PLXNB2: variants seen among roughly 807,000 people sequenced by gnomAD.
PLXNB2 encodes plexin B2.
In PLXNB2, 85 loss-of-function variants were observed where a neutral mutation model predicts 202.6. The ratio of observed to expected loss-of-function variants is 0.42; its 90% CI spans 0.35 to 0.50. The LOEUF is 0.50. Ranked by LOEUF, PLXNB2 falls within the 20% of genes least tolerant of loss-of-function variation. PLXNB2 has a pLI of 0.02. For synonymous variants in PLXNB2, 1,239 were observed against 1,137.6 expected (o/e 1.09, Z -1.79); for missense variants, 2,063 against 2,586.2 (o/e 0.80, Z 4.39).
Position 50,280,729 on chromosome 22 carries a change from C to A in PLXNB2, c.3993+15G>T, listed in dbSNP as rs376023105. ...CCACCTGTGTGCCCTCCCGCCCGCC[C>A]GACGCCTGGCTCACATTGATGAGGA... On this transcript the variant is annotated intron_variant, in intron 24 of 36. Coordinates refer to ENST00000359337, the MANE Select transcript of PLXNB2 (RefSeq NM_012401.4). 1 of 1,579,140 alleles carries A rather than the reference C, an allele frequency of 6.3e-7. No homozygotes were observed. Among genetic ancestry groups the A allele is most frequent in the Non-Finnish European group, 8.6e-7 (1 of 1,162,048 alleles).
Position 50,297,691 on chromosome 22 carries a change from G to A in PLXNB2, c.-73-2913C>T, listed in dbSNP as rs1355524111. Among the ~76,000 whole-genome samples, 4 of 152,280 alleles carry A rather than the reference G, an allele frequency of 2.6e-5. No homozygotes were observed. The highest frequency in any genetic ancestry group is 4.4e-5 in the Non-Finnish European group (3 of 68,016). On this transcript the variant is annotated intron_variant, in intron 1 of 36. Transcript: ENST00000359337. This position sits in a 1 kb window ranked among gnomAD's most constrained non-coding sequence, Gnocchi z 5.3. ...TTAGGTGGCTGTGGTCACACCTGAC[G>A]CTGCTGCACCCAGGGACCTCGAGGC...
chr22:50,282,982 C>T (rs2066127762), intron 17 of PLXNB2, 68 bp downstream of exon 17: 1 of 1,570,306 alleles, frequency 6.4e-7, no homozygotes, highest in East Asian at 2.3e-5. Context: ...ACTCAGGTCT[C>T]AGTAAGTGCC....
chr22:50,296,590 C>CTA (rs2067292638), intron 1 of PLXNB2, among the ~76,000 whole-genome samples: 1 of 56,460 alleles, frequency 1.8e-5, no homozygotes, highest in Non-Finnish European at 3.3e-5. Context: ...GACTCTGTCT[C>CTA]AAAAAAAAAA....
chr22:50,298,160 A>C (rs1264445665), intron 1 of PLXNB2, among the ~76,000 whole-genome samples: 5 of 152,242 alleles, frequency 3.3e-5, no homozygotes, highest in Non-Finnish European at 5.9e-5. Flanking sequence ...GGGTGGTGAC[A>C]TGCAGGGGCG....
intron 32 of PLXNB2, 53 bp downstream of exon 32, chr22:50,277,800 C>T: frequency 1.3e-6 from 2 of 1,598,596 alleles, no homozygotes; most frequent in Non-Finnish European, 1.7e-6. Context: ...GTGGAGCCTC[C>T]CAAGTGAGAG....
intron 1 of PLXNB2, among the ~76,000 whole-genome samples, chr22:50,296,994 G>C (rs1280254135): frequency 6.6e-6 from 1 of 152,194 alleles, no homozygotes; most frequent in Non-Finnish European, 1.5e-5. Context: ...GTTTCGGGGG[G>C]CAGAGGGCAT....
In PLXNB2 at chr22:50,278,106, T is replaced by C; in HGVS notation, c.4887+11A>G. ...CGGCCTGGTGCCGCCCACACACCCA[T>C]GGGGGCCCACCTTGACTGAGAGCAG... is the stretch of plus-strand genomic sequence containing the variant. On this transcript the variant is annotated intron_variant, in intron 31 of 36. Coordinates refer to ENST00000359337, the MANE Select transcript of PLXNB2 (RefSeq NM_012401.4). The C allele has an allele frequency of 1.2e-6, 2 of 1,602,328 alleles. No individual in the cohort carries two copies. Among genetic ancestry groups the C allele is most frequent in the Non-Finnish European group, 1.7e-6 (2 of 1,179,098 alleles).
Position 50,281,080 on chromosome 22 carries a change from G to A in PLXNB2, c.3763+9C>T, listed in dbSNP as rs368681814. 55 of 1,610,892 alleles carry A rather than the reference G, an allele frequency of 3.4e-5. No homozygotes were observed. The Middle Eastern group carries it at 4.9e-4, about 14-fold the overall frequency. The stretch of plus-strand genomic sequence containing the variant: ...GGCGCCCCAGCACCAGCCCCCAAGC[G>A]GTCCCTACCTGTGAATTCCTTCTTG... On this transcript the variant is annotated intron_variant, in intron 23 of 36. Transcript: ENST00000359337.
In PLXNB2 at chr22:50,289,267, A is replaced by G. The variant is rs2066696668; in HGVS notation, c.1069-125T>C. ...GGCACACGTCCTACACACGTCCCCG[A>G]GAACAGAACCCACATGGCAGGGAGC... On this transcript the variant is annotated intron_variant, in intron 3 of 36. Transcript: ENST00000359337. The surrounding 1 kb of genome is among the most constrained non-coding windows in gnomAD (Gnocchi z 8.0). 9.1e-6 allele frequency: 9 copies of G among 994,118 alleles called. No homozygotes were observed. In the South Asian group the frequency reaches 1.5e-4, roughly 17 times the overall value. 61.6% of individuals were successfully genotyped at this position (994,118 alleles called of 1,614,324 possible).
In PLXNB2 at chr22:50,290,476, G is replaced by A. The variant is rs746800547; in HGVS notation, c.109C>T (p.Leu37=). The change falls in exon 3 of 37, where the codon CTG becomes TTG. Residue 37 remains leucine (L), a synonymous_variant. Coordinates refer to ENST00000359337, the MANE Select transcript of PLXNB2 (RefSeq NM_012401.4). The part of the protein sequence containing the change: ...FFRSEKELNH[L]AVDEASGVVY... ...ACGCCTGAGGCCTCATCCACAGCCA[G>A]GTGGTTCAGCTCTTTCTCGCTGCGG... is the stretch of plus-strand genomic sequence containing the variant. 4 of 1,612,908 alleles carry A rather than the reference G, an allele frequency of 2.5e-6. No homozygotes were observed. Among genetic ancestry groups the A allele is most frequent in the African/African-American group, 2.7e-5 (2 of 75,070 alleles).
At position 50,281,917 on chromosome 22, in the gene PLXNB2, G is replaced by A. The variant is rs372865746; in HGVS notation, c.3282C>T (p.Asp1094=). 1.2e-6 allele frequency: 2 copies of A among 1,613,138 alleles called. No individual in the cohort carries two copies. The highest frequency in any genetic ancestry group is 1.7e-6 in the Non-Finnish European group (2 of 1,180,006). Residue 1094 remains aspartate (D), a synonymous_variant, in exon 20 of 37, where the codon GAC becomes GAT. Transcript: ENST00000359337. ...TEAGAFEYVP[D]PTFENFTGGV... is the part of the protein sequence containing the mutation. ...CACCTGTGAAGTTCTCAAAGGTGGG[G>A]TCAGGCACGTACTCGAAGGCCCCGG... is the stretch of plus-strand genomic sequence containing the variant.
intron 1 of PLXNB2, among the ~76,000 whole-genome samples, chr22:50,295,548 T>A (rs2067200086): frequency 6.6e-6 from 1 of 152,202 alleles, no homozygotes; most frequent in Non-Finnish European, 1.5e-5. Flanking sequence ...TGCTATTGTA[T>A]CTTCCCTTGC....
At position 50,277,032 on chromosome 22, in the gene PLXNB2, C is replaced by G. The variant is rs1010521294; in HGVS notation, c.5197-126G>C. On this transcript the variant is annotated intron_variant, in intron 33 of 36. Transcript: ENST00000359337. ...TTCATCAAGAAAACTATGGGCCGGG[C>G]GCAGTGGCTCAGGCCTGTAATCCTA... 4.3e-6 allele frequency: 3 copies of G among 697,354 alleles called. No homozygotes were observed. The African/African-American group carries it at 5.3e-5, about 12-fold the overall frequency. The allele number at this position is 697,354 out of a possible 1,614,324, so 43.2% of individuals were successfully genotyped here.
Position 50,278,505 on chromosome 22 carries a change from G to A in PLXNB2, c.4662C>T (p.Ala1554=). Residue 1554 remains alanine, a synonymous_variant, in exon 30 of 37, where the codon GCC becomes GCT. Coordinates refer to ENST00000359337, the MANE Select transcript of PLXNB2 (RefSeq NM_012401.4). ...CCCCCACCTTGGACAGGATGAGGGTGGCTCCATCCCGGACCTGGGGAACAC... is the reference window on the plus strand; with the variant it reads ...CCCCCACCTTGGACAGGATGAGGGTAGCTCCATCCCGGACCTGGGGAACAC... ...TLMHYNVRDG[A]TLILSKVGVS... 6.4e-7 allele frequency: 1 copy of A among 1,566,904 alleles called. No homozygotes were observed. The highest frequency in any genetic ancestry group is 8.6e-7 in the Non-Finnish European group (1 of 1,156,318).
At chr22:50,300,257 C>T (rs1242747812) in intron 1 of PLXNB2, 1 of 984,806 alleles carries the variant, frequency 1.0e-6, no homozygotes, top group African/African-American at 1.7e-5. Context: ...CAGGAGACGT[C>T]GTCCCCGCGG....
chr22:50,279,953 G>A (rs1048285040), intron 26 of PLXNB2, 52 bp downstream of exon 26: 1 of 1,467,932 alleles, frequency 6.8e-7, no homozygotes, highest in Non-Finnish European at 9.4e-7. Context: ...GGAGGGGATG[G>A]CAGCAGTCTG....
rs1569175477 is a variant in PLXNB2, at chr22:50,290,457, G to A, written c.128C>T (p.Ser43Leu). 6.2e-7 allele frequency: 1 copy of A among 1,612,918 alleles called. No homozygotes were observed. Among genetic ancestry groups the A allele is most frequent in the Admixed American group, 1.7e-5 (1 of 60,014 alleles). ...CACCGCCCCCAGGTACACCACGCCT[G>A]AGGCCTCATCCACAGCCAGGTGGTT... Reference protein sequence around the residue: ...ELNHLAVDEASGVVYLGAVNA... With the variant: ...ELNHLAVDEALGVVYLGAVNA... The change falls in exon 3 of 37, where the codon TCA becomes TTA. Residue 43 changes from serine (S) to leucine (L), a missense_variant. Ser to Leu is a moderately radical substitution (Grantham distance 145). Transcript: ENST00000359337.
chr22:50,294,815 GC>G, intron 1 of PLXNB2, 37 bp from the exon 2 acceptor site: 1 of 961,252 alleles, frequency 1.0e-6, no homozygotes, highest in Non-Finnish European at 1.2e-6. Flanking sequence ...CACAAGAGGA[GC>G]CCGGTCTGCT....
At chr22:50,304,316 G>C (rs1055115496) in intron 1 of PLXNB2, among the ~76,000 whole-genome samples, 2 of 152,182 alleles carry the variant, frequency 1.3e-5, no homozygotes, top group East Asian at 1.9e-4. Flanking sequence ...GGATCCACTG[G>C]GGGGGTGCGG....
Sources: allele counts gnomAD v4.1 joint callset (sites outside exome capture counted in the v4.1 genomes callset), GRCh38; gene constraint gnomAD v4.1.1; non-coding constraint Gnocchi (gnomAD v3.1); transcripts MANE v1.5; gene names NCBI Gene and HGNC (gene_info 2026-07-23, HGNC 2026-07-21).